The following CENPO variants were observed in gnomAD, a reference collection of about 807,000 sequenced individuals.
CENPO encodes the protein centromere protein O.
CENPO carries 30 observed loss-of-function variants against 36.1 expected under a neutral mutation model. That is an observed-to-expected ratio of 0.83 (90% CI 0.62 to 1.13). The LOEUF (loss-of-function observed/expected upper bound fraction) is 1.13. Among genes scored for constraint, CENPO ranks in the 50% most tolerant of loss-of-function variants. The probability of loss-of-function intolerance (pLI) is 0.00; values close to 1 mark genes in which losing one functional copy is unlikely to be tolerated. For missense variants in CENPO, 349 were observed against 357.8 expected, an observed-to-expected ratio of 0.98 and a Z score of 0.20; for synonymous variants, 171 against 142.3, an observed-to-expected ratio of 1.20 and a Z score of -1.44.
rs369681544 is a variant in CENPO, at chr2:24,819,873, T to C, written c.*555T>C. On this transcript the variant is annotated 3_prime_UTR_variant, in exon 8 of 8. Coordinates refer to ENST00000380834, the MANE Select transcript of CENPO (RefSeq NM_001322101.2). The stretch of plus-strand genomic sequence containing the variant: ...TCAATCCAGGAAGGTCGGGACTTCC[T>C]TCAGTTTCAAAAAATAAATTCTCCC... 6.4e-6 allele frequency: 10 copies of C among 1,565,140 alleles called. No homozygotes were observed. In the East Asian group the frequency reaches 1.4e-4, roughly 21 times the overall value.
Position 24,819,940 on chromosome 2 carries a change from T to C in CENPO, c.*622T>C. On this transcript the variant is annotated 3_prime_UTR_variant, in exon 8 of 8. Coordinates refer to ENST00000380834, the MANE Select transcript of CENPO (RefSeq NM_001322101.2). ...TGCAGGCTCGAGGCCATTCAGGAGT[T>C]GTCCACCACCTGGTGGGGCAGTGTG... 4 of 1,613,896 alleles carry C rather than the reference T, an allele frequency of 2.5e-6. No individual in the cohort carries two copies. Among genetic ancestry groups the C allele is most frequent in the Non-Finnish European group, 3.4e-6 (4 of 1,179,918 alleles).
In CENPO at chr2:24,809,996, C is replaced by T. The variant is rs188251645; in HGVS notation, c.217-4380C>T. On this transcript the variant is annotated intron_variant, in intron 3 of 7. Transcript: ENST00000380834. ...CTGGGAGGCGGGGGTTACAGTGAGC[C>T]GAGATCATGTCACTCTACTCCAGCC... Among the ~76,000 whole-genome samples the T allele has an allele frequency of 2.7e-3, 399 of 149,786 alleles. 2 individuals are homozygous for T. The highest frequency in any genetic ancestry group is 9.5e-3 in the African/African-American group (385 of 40,738).
chr2:24,799,844 C>A lies in CENPO; in HGVS notation c.216C>A (p.Ser72Arg). ...CTGTGGTGCGGCACCGGCGAGCCAG[C>A]GTGAGTAGAAGGGTGGTATCAGCAG... The part of the protein sequence containing the change: ...LRAVVRHRRA[S>R]VKACIANVEP... Residue 72 changes from serine (S) to arginine (R), a missense_variant and splice_region_variant, in exon 3 of 8, where the codon AGC (serine) becomes AGA (arginine). Ser to Arg is a moderately radical substitution (Grantham distance 110). Transcript: ENST00000380834. 1.2e-6 allele frequency: 2 copies of A among 1,612,748 alleles called. No homozygotes were observed. The highest frequency in any genetic ancestry group is 1.7e-6 in the Non-Finnish European group (2 of 1,179,846).
At chr2:24,801,258 T>A (rs985880458) in intron 3 of CENPO, among the ~76,000 whole-genome samples, 1 of 152,198 alleles carries the variant, frequency 6.6e-6, no homozygotes, top group African/African-American at 2.4e-5. Context: ...TTGGAAAAAT[T>A]TTCTCCCATT....
In CENPO at chr2:24,820,252, G is replaced by T. The variant is rs1667377609; in HGVS notation, c.*934G>T. 15 of 1,202,846 alleles carry T rather than the reference G, an allele frequency of 1.2e-5. No homozygotes were observed. Among genetic ancestry groups the T allele is most frequent in the Non-Finnish European group, 1.6e-5 (15 of 912,452 alleles). The allele number at this position is 1,202,846 out of a possible 1,614,324, so 74.5% of individuals were successfully genotyped here. ...ACGGGACACTCCCCAAACCTCCCAG[G>T]GCCAAGCCCTTCCACCCGTGGCGAG... On this transcript the variant is annotated 3_prime_UTR_variant, in exon 8 of 8. Coordinates refer to ENST00000380834, the MANE Select transcript of CENPO (RefSeq NM_001322101.2).
Position 24,815,529 on chromosome 2 carries a change from T to C in CENPO, c.367T>C (p.Cys123Arg), listed in dbSNP as rs749161909. 6 of 1,614,124 alleles carry C rather than the reference T, an allele frequency of 3.7e-6. No homozygotes were observed. The highest frequency in any genetic ancestry group is 1.7e-5 in the Admixed American group (1 of 60,024). The change falls in exon 5 of 8, where the codon TGT becomes CGT. Residue 123 changes from cysteine (C) to arginine (R), a missense_variant. Cys to Arg is a radical substitution (Grantham distance 180). Transcript: ENST00000380834. ...LSGKLTSRGV[C>R]VCISTAFEGN... ...TGGTAAACTGACCAGCCGAGGAGTT[T>C]GTGTCTGCATCAGTACTGCTTTTGA...
chr2:24,817,502 A>T (rs1211063763), intron 6 of CENPO, among the ~76,000 whole-genome samples, 168 bp from the exon 7 acceptor site: 1 of 143,166 alleles, frequency 7.0e-6, no homozygotes, highest in Non-Finnish European at 1.5e-5. Flanking sequence ...TGGGTCCAGA[A>T]TATCAGTGAT....
At chr2:24,797,881 C>T (rs1665981867) in intron 2 of CENPO, among the ~76,000 whole-genome samples, 1 of 152,052 alleles carries the variant, frequency 6.6e-6, no homozygotes, top group Non-Finnish European at 1.5e-5. Flanking sequence ...ATAATGGGAA[C>T]AGAAGTGAGT....
At chr2:24,801,936 A>G (rs1273276090) in intron 3 of CENPO, among the ~76,000 whole-genome samples, 1 of 152,160 alleles carries the variant, frequency 6.6e-6, no homozygotes, top group Admixed American at 6.5e-5. Context: ...CATTTTCACA[A>G]TATTGATTCT....
At position 24,821,736 on chromosome 2, in the gene CENPO, TAC is replaced by T; in HGVS notation, c.*2421_*2422del. 1 of 1,515,836 alleles carries T rather than the reference TAC, an allele frequency of 6.6e-7. No homozygotes were observed. Among genetic ancestry groups the T allele is most frequent in the Non-Finnish European group, 8.9e-7 (1 of 1,124,708 alleles). The allele number at this position is 1,515,836 out of a possible 1,614,324, so 93.9% of individuals were successfully genotyped here. On this transcript the variant is annotated 3_prime_UTR_variant, in exon 8 of 8. Coordinates refer to ENST00000380834, the MANE Select transcript of CENPO (RefSeq NM_001322101.2). The stretch of plus-strand genomic sequence containing the variant: ...GGCAGTGTTCTGGGGGTGGATTCCC[TAC>T]ACCTAGATGTTCAAGGCCTTACTTT...
chr2:24,794,553 G>C (rs1450947804), intron 2 of CENPO, among the ~76,000 whole-genome samples: 7 of 152,206 alleles, frequency 4.6e-5, no homozygotes, highest in African/African-American at 9.7e-5. Context: ...TCAATGAAAG[G>C]CTTAATTCTT....
At position 24,820,944 on chromosome 2, in the gene CENPO, C is replaced by T. The variant is rs150969937; in HGVS notation, c.*1626C>T. On this transcript the variant is annotated 3_prime_UTR_variant, in exon 8 of 8. Transcript: ENST00000380834. ...TCTCCAGACCTGTACCACAAAGCTC[C>T]TAATGTAACACATCATTGTCCTCAT... 1.0e-4 allele frequency: 152 copies of T among 1,508,250 alleles called. No individual in the cohort carries two copies. In the East Asian group the frequency reaches 3.3e-3, roughly 33 times the overall value. The allele number at this position is 1,508,250 out of a possible 1,614,324, so 93.4% of individuals were successfully genotyped here.
Position 24,793,511 on chromosome 2 carries a change from A to G in CENPO, c.-69+10A>G, listed in dbSNP as rs753768786. The G allele has an allele frequency of 1.9e-6, 3 of 1,587,794 alleles. No individual in the cohort carries two copies. In the African/African-American group the frequency reaches 4.0e-5, roughly 21 times the overall value. On this transcript the variant is annotated intron_variant, in intron 1 of 7. Transcript: ENST00000380834. ...CTCGCTTCTGGCCTGGGTGAGCTAG[A>G]AGGGAGAAGGTAGGGGAAAGACCCA...
chr2:24,802,196 G>C (rs201259242), intron 3 of CENPO, among the ~76,000 whole-genome samples: 19,843 of 152,106 alleles, frequency 0.13, 1,367 homozygotes, highest in East Asian at 0.21. Context: ...AGACTTTGCT[G>C]AAGTTGCCTA....
rs1177251814 is a variant in CENPO, at chr2:24,822,373, T to C, written c.*3055T>C. 3 of 1,230,836 alleles carry C rather than the reference T, an allele frequency of 2.4e-6. No individual in the cohort carries two copies. Among genetic ancestry groups the C allele is most frequent in the African/African-American group, 3.0e-5 (2 of 65,888 alleles). The allele number at this position is 1,230,836 out of a possible 1,614,324, so 76.2% of individuals were successfully genotyped here. On this transcript the variant is annotated 3_prime_UTR_variant, in exon 8 of 8. Coordinates refer to ENST00000380834, the MANE Select transcript of CENPO (RefSeq NM_001322101.2). ...TTCTCAATAAACCCTATTTCTTATT[T>C]ATATTTACGTGGTGCTGGTGGTGTG...
Position 24,816,652 on chromosome 2 carries a change from T to G in CENPO, c.601T>G (p.Phe201Val). 1 of 1,606,074 alleles carries G rather than the reference T, an allele frequency of 6.2e-7. No homozygotes were observed. Among genetic ancestry groups the G allele is most frequent in the Non-Finnish European group, 8.5e-7 (1 of 1,176,412 alleles). Reference sequence around the variant, plus strand: ...TGTTCCTCACCCCTCTTAGAGTGACTTTGCAGCCCTCCTGACTGGGCCCTT... The same window carrying G: ...TGTTCCTCACCCCTCTTAGAGTGACGTTGCAGCCCTCCTGACTGGGCCCTT... ...KYQADRLQSD[F>V]AALLTGPLQR... is the part of the protein sequence containing the mutation. Residue 201 changes from phenylalanine to valine, a missense_variant, in exon 6 of 8, where the codon TTT becomes GTT. Phe to Val is a conservative substitution (Grantham distance 50). Transcript: ENST00000380834.
rs763882377 is a variant in CENPO at position 24,815,741 on chromosome 2, G to A, written c.579G>A (p.Gln193=). ...ATGCTTACTCTGGGAGGAAGTACCA[G>A]GCAGACCGGCTTCAGGTATCTCTCT... ...YLNAYSGRKY[Q]ADRLQSDFAA... Residue 193 remains glutamine, a synonymous_variant, in exon 5 of 8, where the codon CAG becomes CAA. Coordinates refer to ENST00000380834, the MANE Select transcript of CENPO (RefSeq NM_001322101.2). The A allele has an allele frequency of 6.2e-7, 1 of 1,614,174 alleles. No individual in the cohort carries two copies. The highest frequency in any genetic ancestry group is 1.7e-5 in the Admixed American group (1 of 60,028).
chr2:24,820,419 G>A lies in CENPO; in HGVS notation c.*1101G>A. 3 of 1,326,704 alleles carry A rather than the reference G, an allele frequency of 2.3e-6. No individual in the cohort carries two copies. Among genetic ancestry groups the A allele is most frequent in the Middle Eastern group, 2.8e-4 (1 of 3,526 alleles). 82.2% of individuals were successfully genotyped at this position (1,326,704 alleles called of 1,614,324 possible). ...CCACTGCCTGCTCTTCTGTCCCTTT[G>A]CCCCTTTCGTGGAGCTTTTCTGCCA... On this transcript the variant is annotated 3_prime_UTR_variant, in exon 8 of 8. Transcript: ENST00000380834.
intron 3 of CENPO, among the ~76,000 whole-genome samples, chr2:24,812,904 T>G (rs1385044658): frequency 4.7e-5 from 1 of 21,262 alleles, no homozygotes; most frequent in Admixed American, 1.1e-3. Flanking sequence ...TGCCTGTAGT[T>G]TTTTTTTTTT....
Sources: gnomAD v4.1 joint callset for allele counts (sites outside exome capture counted in the v4.1 genomes callset) on GRCh38, gnomAD v4.1.1 for gene constraint, MANE v1.5 for transcripts, NCBI Gene and HGNC (gene_info 2026-07-23, HGNC 2026-07-21) for gene names.